BCO1: variants seen among roughly 807,000 people sequenced by gnomAD.
The protein encoded by BCO1 is beta-carotene oxygenase 1.
BCO1 carries 54 observed loss-of-function variants against 56.3 expected under a neutral mutation model. That is an observed-to-expected ratio of 0.96 (90% CI 0.77 to 1.20). The LOEUF (loss-of-function observed/expected upper bound fraction) is 1.20, where lower values mean the gene tolerates loss of function less well. Ranked by LOEUF, BCO1 falls within the 50% of genes most tolerant of loss-of-function variation. The probability of loss-of-function intolerance (pLI) is 0.00; values close to 1 mark genes in which losing one functional copy is unlikely to be tolerated. For synonymous variants in BCO1, 318 were observed against 266.1 expected (o/e 1.20, Z -1.90); for missense variants, 801 against 690.9 (o/e 1.16, Z -1.79).
At chr16:81,239,354 T>C (rs931769815) in intron 1 of BCO1, among the ~76,000 whole-genome samples, 3 of 152,152 alleles carry the variant, frequency 2.0e-5, no homozygotes, top group Non-Finnish European at 4.4e-5. Context: ...TTTTTCCTGA[T>C]GATATAAGTA....
At chr16:81,249,846 T>C (rs1905678847) in intron 2 of BCO1, among the ~76,000 whole-genome samples, 1 of 152,160 alleles carries the variant, frequency 6.6e-6, no homozygotes, top group Admixed American at 6.6e-5. Context: ...GCAGGCATCA[T>C]TTTGCCAATC....
Position 81,285,470 on chromosome 16 carries a change from C to T in BCO1, c.1208-70C>T, listed in dbSNP as rs571029986. 1.6e-4 allele frequency: 184 copies of T among 1,151,462 alleles called. No individual in the cohort carries two copies. The African/African-American group carries it at 2.4e-3, about 15-fold the overall frequency. The allele number at this position is 1,151,462 out of a possible 1,614,324, so 71.3% of individuals were successfully genotyped here. The stretch of plus-strand genomic sequence containing the variant: ...GGATTCTGAGGAAAGGCTACCCAAT[C>T]TGACAGGAAGGGTGGATGCTCCCAG... On this transcript the variant is annotated intron_variant, in intron 8 of 10. Coordinates refer to ENST00000258168, the MANE Select transcript of BCO1 (RefSeq NM_017429.3).
intron 8 of BCO1, among the ~76,000 whole-genome samples, chr16:81,282,328 C>G (rs1907928194): frequency 6.6e-6 from 1 of 152,120 alleles, no homozygotes; most frequent in Admixed American, 6.6e-5. Context: ...GAGCAGAGAG[C>G]TGAGATTGCG....
At chr16:81,247,692 A>G (rs973260419) in intron 2 of BCO1, among the ~76,000 whole-genome samples, 1 of 151,500 alleles carries the variant, frequency 6.6e-6, no homozygotes, top group Non-Finnish European at 1.5e-5. Flanking sequence ...ATACTCAGCT[A>G]ATTTTGTATT....
chr16:81,254,605 C>T (rs1906015237), intron 2 of BCO1, among the ~76,000 whole-genome samples: 1 of 152,032 alleles, frequency 6.6e-6, no homozygotes, highest in Non-Finnish European at 1.5e-5. Flanking sequence ...GTCATTATGT[C>T]CATCCAAGTG....
At position 81,259,645 on chromosome 16, in the gene BCO1, G is replaced by T. The variant is rs373220091; in HGVS notation, c.194-31G>T. 13 of 1,614,048 alleles carry T rather than the reference G, an allele frequency of 8.1e-6. No homozygotes were observed. The African/African-American group carries it at 1.7e-4, about 22-fold the overall frequency. On this transcript the variant is annotated intron_variant, in intron 2 of 10. Coordinates refer to ENST00000258168, the MANE Select transcript of BCO1 (RefSeq NM_017429.3). Reference sequence around the variant, plus strand: ...ATTTTAAAGCCCTGTGAAGGCGTCAGCCTGAGATTATGCTGGTTCTTCTCT... The same window carrying T: ...ATTTTAAAGCCCTGTGAAGGCGTCATCCTGAGATTATGCTGGTTCTTCTCT...
chr16:81,268,486 C>T (rs60848878), intron 6 of BCO1, among the ~76,000 whole-genome samples: 3,986 of 152,254 alleles, frequency 0.026, 158 homozygotes, highest in African/African-American at 0.09. Flanking sequence ...TTGACAAGAC[C>T]CCTTAACCAT....
At chr16:81,248,405 CAAAAA>C (rs372084002) in intron 2 of BCO1, among the ~76,000 whole-genome samples, 3 of 102,826 alleles carry the variant, frequency 2.9e-5, no homozygotes, top group South Asian at 3.3e-4. Flanking sequence ...CTCCCTCTCA[CAAAAA>C]AAAAAAAAAA....
chr16:81,245,647 C>A, intron 2 of BCO1, 44 bp downstream of exon 2: 1 of 1,613,074 alleles, frequency 6.2e-7, no homozygotes. Flanking sequence ...CAGCAAAGGA[C>A]CCCAAATGCA....
At chr16:81,262,052 T>G in intron 3 of BCO1, 84 bp from the exon 4 acceptor site, 1 of 1,516,044 alleles carries the variant, frequency 6.6e-7, no homozygotes, top group Non-Finnish European at 9.1e-7. Context: ...TTTTAAGTGG[T>G]AGGAAAACTA....
chr16:81,239,808 T>C (rs1476825006), intron 1 of BCO1, among the ~76,000 whole-genome samples: 1 of 152,132 alleles, frequency 6.6e-6, no homozygotes, highest in Admixed American at 6.6e-5. Flanking sequence ...TATATCTCTT[T>C]TTCCTCCTCT....
chr16:81,259,609 G>A, intron 2 of BCO1, 67 bp from the exon 3 acceptor site: 1 of 1,607,420 alleles, frequency 6.2e-7, no homozygotes, highest in Non-Finnish European at 8.5e-7. Context: ...CCCATACAAG[G>A]ACTGACATTG....
chr16:81,269,445 G>A (rs779793280), intron 6 of BCO1, among the ~76,000 whole-genome samples: 2 of 151,858 alleles, frequency 1.3e-5, no homozygotes, highest in African/African-American at 2.4e-5. Context: ...ATAGGCACAC[G>A]CCACAATGCC....
chr16:81,263,510 C>T (rs909147195), intron 4 of BCO1: 12 of 152,226 alleles, frequency 7.9e-5, no homozygotes, highest in Non-Finnish European at 1.6e-4. Context: ...GTCACATTCA[C>T]AGGTACCCAA....
chr16:81,268,990 C>A (rs1402044594), intron 6 of BCO1, among the ~76,000 whole-genome samples: 1 of 150,472 alleles, frequency 6.6e-6, no homozygotes, highest in African/African-American at 2.5e-5. Context: ...TAGCCTCAAA[C>A]TCTGGACTCA....
Position 81,238,894 on chromosome 16 carries a change from T to C in BCO1, c.-15T>C, listed in dbSNP as rs1465816678. ...TGTTTGCTGTTAAAATCGATCTCCC[T>C]CGGCACCCTGAGCAATGGATATAAT... On this transcript the variant is annotated 5_prime_UTR_variant, in exon 1 of 11. Transcript: ENST00000258168. 8.1e-6 allele frequency: 13 copies of C among 1,613,722 alleles called. No homozygotes were observed. The highest frequency in any genetic ancestry group is 1.1e-5 in the Non-Finnish European group (13 of 1,179,760).
In BCO1 at chr16:81,250,470, C is replaced by G. The variant is rs376295564; in HGVS notation, c.193+4867C>G. On this transcript the variant is annotated intron_variant, in intron 2 of 10. Transcript: ENST00000258168. ...TACACCAGAAATGTTCAGTTCCACT[C>G]TAGCGGGTTCAGAAGAGAACACGTG... 1.3e-3 allele frequency among the ~76,000 whole-genome samples: 199 copies of G among 152,096 alleles called. 4 individuals carry two copies. In the South Asian group the frequency reaches 0.04, roughly 31 times the overall value.
intron 6 of BCO1, among the ~76,000 whole-genome samples, chr16:81,269,879 C>T (rs1434701751): frequency 2.6e-5 from 4 of 152,162 alleles, no homozygotes; most frequent in Admixed American, 2.0e-4. Flanking sequence ...CACACTGGAG[C>T]GTCTCTCCAA....
chr16:81,262,219 A>C lies in BCO1; in HGVS notation c.407A>C (p.Tyr136Ser). ...INIMKCGEDFYATSETNYIRK... is the reference protein window; with the variant it reads ...INIMKCGEDFSATSETNYIRK... ...ATCATGAAGTGCGGAGAAGACTTCT[A>C]CGCGACCTCAGAGACCAATTACATC... is the stretch of plus-strand genomic sequence containing the variant. Residue 136 changes from tyrosine (Y) to serine (S), a missense_variant, in exon 4 of 11, where the codon TAC becomes TCC. By Grantham distance (144) the Tyr-to-Ser change is moderately radical. Coordinates refer to ENST00000258168, the MANE Select transcript of BCO1 (RefSeq NM_017429.3). The C allele has an allele frequency of 6.2e-7, 1 of 1,613,678 alleles. No homozygotes were observed. Among genetic ancestry groups the C allele is most frequent in the Non-Finnish European group, 8.5e-7 (1 of 1,179,646 alleles).
Sources: gnomAD v4.1 joint callset for allele counts (sites outside exome capture counted in the v4.1 genomes callset) on GRCh38, gnomAD v4.1.1 for gene constraint, MANE v1.5 for transcripts, NCBI Gene and HGNC (gene_info 2026-07-23, HGNC 2026-07-21) for gene names.